The following ABLIM1 variants were observed in gnomAD, a reference collection of about 807,000 sequenced individuals.
ABLIM1 encodes the protein actin binding LIM protein 1.
ABLIM1 carries 40 observed loss-of-function variants against 107.0 expected under a neutral mutation model. The ratio of observed to expected loss-of-function variants is 0.37; its 90% CI spans 0.29 to 0.49. The LOEUF is 0.49. Among genes scored for constraint, ABLIM1 ranks in the 20% least tolerant of loss-of-function variants. The pLI is 0.97. For missense variants in ABLIM1, 857 were observed against 1,008.5 expected (o/e 0.85, Z 2.04); for synonymous variants, 357 against 357.3 (o/e 1.00, Z 0.01).
At chr10:114,750,861 A>G (rs780721713) in intron 1 of ABLIM1, among the ~76,000 whole-genome samples, 6 of 152,238 alleles carry the variant, frequency 3.9e-5, no homozygotes, top group African/African-American at 7.2e-5. Flanking sequence ...TAGAACAGCC[A>G]ATAAGTGTGT....
intron 4 of ABLIM1, among the ~76,000 whole-genome samples, chr10:114,548,813 A>G (rs918341678): frequency 5.3e-5 from 8 of 152,230 alleles, no homozygotes; most frequent in African/African-American, 1.9e-4. Flanking sequence ...CAAGCTGATC[A>G]GACAGAACAC....
At position 114,540,189 on chromosome 10, in the gene ABLIM1, GA is replaced by G. The variant is rs1328865873; in HGVS notation, c.894+4815del. 2.6e-5 allele frequency among the ~76,000 whole-genome samples: 4 copies of G among 152,016 alleles called. No homozygotes were observed. The East Asian group carries it at 7.7e-4, about 29-fold the overall frequency. ...GCTGAGTGTTACGTGCTGGTTTCCA[GA>G]AAAAAAGAACCATTGGTTCTGTCTG... On this transcript the variant is annotated intron_variant, in intron 6 of 22. Transcript: ENST00000533213.
intron 6 of ABLIM1, among the ~76,000 whole-genome samples, chr10:114,520,590 A>G (rs1354629424): frequency 6.6e-6 from 1 of 151,960 alleles, no homozygotes. Flanking sequence ...ACTTTTGACT[A>G]ATAGATTTGT....
chr10:114,790,877 C>T, the ABLIM1 span, among the ~76,000 whole-genome samples: 30 of 152,218 alleles, frequency 2.0e-4, no homozygotes, highest in Middle Eastern at 3.4e-3. Context: ...CAAGGGTTGG[C>T]TTCAAGGACA....
chr10:114,616,831 C>T (rs975438150), intron 1 of ABLIM1, among the ~76,000 whole-genome samples: 1 of 152,168 alleles, frequency 6.6e-6, no homozygotes, highest in Non-Finnish European at 1.5e-5. Context: ...GGTGACCAGG[C>T]GTTGTTTTAA....
intron 8 of ABLIM1, among the ~76,000 whole-genome samples, chr10:114,483,671 C>T (rs953781793): frequency 1.3e-5 from 2 of 152,194 alleles, no homozygotes; most frequent in Admixed American, 6.5e-5. Context: ...TCTTTTCCAT[C>T]GTGCAAAGAA....
chr10:114,436,537 G>A (rs2059419415), intron 22 of ABLIM1, among the ~76,000 whole-genome samples, 164 bp from the exon 23 acceptor site: 1 of 152,132 alleles, frequency 6.6e-6, no homozygotes, highest in South Asian at 2.1e-4. Flanking sequence ...TCCCTTACCT[G>A]GTTGGGCCAG....
intron 1 of ABLIM1, among the ~76,000 whole-genome samples, chr10:114,623,555 G>T (rs2077601472): frequency 6.6e-6 from 1 of 152,190 alleles, no homozygotes; most frequent in Admixed American, 6.5e-5. Flanking sequence ...TTACCCACCT[G>T]TAGGGCTGGT....
intron 1 of ABLIM1, among the ~76,000 whole-genome samples, chr10:114,622,363 T>C (rs947306915): frequency 5.3e-5 from 8 of 150,442 alleles, no homozygotes; most frequent in African/African-American, 2.0e-4. Context: ...CTCCCACCAC[T>C]GCAGCCTCTT....
chr10:114,764,605 G>A lies in ABLIM1; in HGVS notation c.-213+3456C>T, dbSNP rs188972307. Among the ~76,000 whole-genome samples the A allele has an allele frequency of 6.0e-4, 91 of 151,980 alleles. No homozygotes were observed. The East Asian group carries it at 0.012, about 20-fold the overall frequency. On this transcript the variant is annotated intron_variant, in intron 1 of 15. Coordinates refer to the ABLIM1 transcript ENST00000651092. ...GATCCATCCGCCTCAGCCTCCCAACGTGCTGGGATTACAGGCGTGAGCCAC... is the reference window on the plus strand; with the variant it reads ...GATCCATCCGCCTCAGCCTCCCAACATGCTGGGATTACAGGCGTGAGCCAC...
chr10:114,560,711 G>A (rs953833521), intron 4 of ABLIM1, among the ~76,000 whole-genome samples: 4 of 152,116 alleles, frequency 2.6e-5, no homozygotes, highest in Admixed American at 6.5e-5. Flanking sequence ...CAACACAACC[G>A]CACAGACAAA....
At chr10:114,675,482 G>A (rs11196860) in intron 1 of ABLIM1, among the ~76,000 whole-genome samples, 1 of 152,018 alleles carries the variant, frequency 6.6e-6, no homozygotes, top group Non-Finnish European at 1.5e-5. Context: ...CTCCTCCTTC[G>A]CCTTCTGCCG....
At chr10:114,719,662 T>C (rs1020975891) in intron 1 of ABLIM1, among the ~76,000 whole-genome samples, 6 of 152,194 alleles carry the variant, frequency 3.9e-5, no homozygotes, top group Non-Finnish European at 7.4e-5. Context: ...ACAGAAAGGC[T>C]GATGTCTGTG....
intron 2 of ABLIM1, among the ~76,000 whole-genome samples, chr10:114,582,350 G>A (rs2073490620): frequency 6.6e-6 from 1 of 152,088 alleles, no homozygotes; most frequent in South Asian, 2.1e-4. Flanking sequence ...ACTGCTGAAA[G>A]AAATCATAGA....
intron 7 of ABLIM1, among the ~76,000 whole-genome samples, chr10:114,490,972 A>ATGTGTGTGTGTGTGTGTG (rs1565576792): frequency 1.2e-5 from 1 of 85,032 alleles, no homozygotes; most frequent in African/African-American, 4.8e-5. Context: ...CCCGGCATAT[A>ATGTGTGTGTGTGTGTGTG]TATGTGTGTG....
chr10:114,491,026 G>GTGTGT (rs2058919541), intron 7 of ABLIM1, among the ~76,000 whole-genome samples: 1 of 70,278 alleles, frequency 1.4e-5, no homozygotes, highest in African/African-American at 6.0e-5. Flanking sequence ...ATATATATAT[G>GTGTGT]GTCTATTTTA....
intron 1 of ABLIM1, among the ~76,000 whole-genome samples, chr10:114,641,557 G>A (rs1311382002): frequency 2.0e-5 from 3 of 152,190 alleles, no homozygotes; most frequent in African/African-American, 7.2e-5. Context: ...ATGAAGAAAA[G>A]CAAGGCCAGG....
chr10:114,753,569 T>C (rs2082565451), intron 1 of ABLIM1, among the ~76,000 whole-genome samples: 1 of 152,234 alleles, frequency 6.6e-6, no homozygotes, highest in South Asian at 2.1e-4. Context: ...GATCTCAACA[T>C]ATATGTGAAA....
intron 1 of ABLIM1, among the ~76,000 whole-genome samples, chr10:114,727,986 T>C (rs1309212821): frequency 6.6e-6 from 1 of 152,188 alleles, no homozygotes; most frequent in Non-Finnish European, 1.5e-5. Context: ...CTGGGAGATG[T>C]GTAAAATATA....
Sources: allele counts gnomAD v4.1 joint callset (sites outside exome capture counted in the v4.1 genomes callset), GRCh38; gene constraint gnomAD v4.1.1; transcripts MANE v1.5; gene names NCBI Gene and HGNC (gene_info 2026-07-23, HGNC 2026-07-21).